ZBTB16: variants seen among roughly 807,000 people sequenced by gnomAD.
The protein encoded by ZBTB16 is zinc finger and BTB domain-containing protein 16.
In ZBTB16, 8 loss-of-function variants were observed where a neutral mutation model predicts 56.8. That is an observed-to-expected ratio of 0.14 (90% confidence interval 0.08 to 0.25). The LOEUF (loss-of-function observed/expected upper bound fraction) is 0.25. Ranked by LOEUF, ZBTB16 falls within the 10% of genes least tolerant of loss-of-function variation. The pLI is 1.00. For missense variants in ZBTB16, 625 were observed against 903.0 expected (o/e 0.69, Z 3.95); for synonymous variants, 363 against 368.5 (o/e 0.98, Z 0.17).
intron 4 of ZBTB16, among the ~76,000 whole-genome samples, chr11:114,237,535 G>A (rs945379821): frequency 9.9e-5 from 15 of 152,192 alleles, no homozygotes; most frequent in African/African-American, 3.6e-4. Flanking sequence ...CAGTGCTGCC[G>A]GGCCCCCCTG....
intron 4 of ZBTB16, among the ~76,000 whole-genome samples, chr11:114,230,019 C>G (rs777401000): frequency 6.6e-6 from 1 of 151,954 alleles, no homozygotes; most frequent in Non-Finnish European, 1.5e-5. Context: ...CGGAGAAGGC[C>G]GTGGGGCAGG....
chr11:114,239,006 C>T (rs933344013), intron 4 of ZBTB16, among the ~76,000 whole-genome samples: 1 of 152,194 alleles, frequency 6.6e-6, no homozygotes, highest in African/African-American at 2.4e-5. Flanking sequence ...TTAGCCTGCC[C>T]CTGGTCACCT....
At chr11:114,194,959 C>T (rs1270160822) in intron 4 of ZBTB16, among the ~76,000 whole-genome samples, 1 of 152,216 alleles carries the variant, frequency 6.6e-6, no homozygotes, top group Admixed American at 6.5e-5. Flanking sequence ...TAAATTGCTG[C>T]ATCACTGAGC....
intron 2 of ZBTB16, among the ~76,000 whole-genome samples, chr11:114,138,034 C>G (rs1156426763): frequency 1.3e-5 from 2 of 152,148 alleles, no homozygotes; most frequent in African/African-American, 4.8e-5. Flanking sequence ...CAGAGCCTGT[C>G]ATGGAGTGGG....
intron 2 of ZBTB16, among the ~76,000 whole-genome samples, chr11:114,092,979 T>C (rs1045154631): frequency 1.3e-5 from 2 of 152,106 alleles, no homozygotes; most frequent in African/African-American, 4.8e-5. Flanking sequence ...GGTTGTAGAA[T>C]ATGTGAAAAC....
intron 2 of ZBTB16, among the ~76,000 whole-genome samples, chr11:114,067,026 T>C (rs2137662271): frequency 6.6e-6 from 1 of 152,242 alleles, no homozygotes; most frequent in Middle Eastern, 3.4e-3. Flanking sequence ...CACCTCGGCC[T>C]CCCAAAGTGC....
At chr11:114,242,472 G>A in intron 5 of ZBTB16, 135 bp downstream of exon 5, 1 of 1,281,888 alleles carries the variant, frequency 7.8e-7, no homozygotes, top group Non-Finnish European at 1.1e-6. Context: ...ACGTGCAGAG[G>A]CTGCCCGTCG....
At chr11:114,132,352 A>G (rs1406983549) in intron 2 of ZBTB16, among the ~76,000 whole-genome samples, 1 of 152,208 alleles carries the variant, frequency 6.6e-6, no homozygotes, top group African/African-American at 2.4e-5. Context: ...TGCAAGACTG[A>G]TTGATTTTCT....
At chr11:114,219,241 T>C (rs1390975869) in intron 4 of ZBTB16, among the ~76,000 whole-genome samples, 2 of 152,156 alleles carry the variant, frequency 1.3e-5, no homozygotes, top group Non-Finnish European at 2.9e-5. Flanking sequence ...AGTTCCCTTT[T>C]TTCATCACCC....
chr11:114,186,907 C>G, intron 3 of ZBTB16, 45 bp from the exon 4 acceptor site: 1 of 1,589,766 alleles, frequency 6.3e-7, no homozygotes, highest in Non-Finnish European at 8.6e-7. Context: ...CCCCGCTCAC[C>G]AGTGGACTAT....
At position 114,119,378 on chromosome 11, in the gene ZBTB16, G is replaced by T. The variant is rs565413809; in HGVS notation, c.1269-36959G>T. Among the ~76,000 whole-genome samples, 3 of 151,050 alleles carry T rather than the reference G, an allele frequency of 2.0e-5. No individual in the cohort carries two copies. In the East Asian group the frequency reaches 5.9e-4, roughly 30 times the overall value. ...TGTGTGTGTGTGTTTGTGTCTGTGT[G>T]TGTGTGCACATGTGTGTACAGGTTC... is the stretch of plus-strand genomic sequence containing the variant. On this transcript the variant is annotated intron_variant, in intron 2 of 6. Coordinates refer to ENST00000335953, the MANE Select transcript of ZBTB16 (RefSeq NM_006006.6).
chr11:114,160,299 C>T (rs1345003990), intron 3 of ZBTB16, among the ~76,000 whole-genome samples: 2 of 151,980 alleles, frequency 1.3e-5, no homozygotes, highest in Admixed American at 1.3e-4. Flanking sequence ...AAGGAGGAGG[C>T]AAGAAAAGAG....
intron 2 of ZBTB16, among the ~76,000 whole-genome samples, chr11:114,090,219 G>A (rs1351293562): frequency 6.6e-6 from 1 of 152,236 alleles, no homozygotes; most frequent in Non-Finnish European, 1.5e-5. Context: ...TGGATGGTTA[G>A]GGGAGGGGTC....
At chr11:114,095,254 T>TTTTTTTC (rs1940348650) in intron 2 of ZBTB16, among the ~76,000 whole-genome samples, 1 of 128,520 alleles carries the variant, frequency 7.8e-6, no homozygotes, top group African/African-American at 3.2e-5. Flanking sequence ...TCTTTTTTTT[T>TTTTTTTC]TTTTTTTTTT....
intron 2 of ZBTB16, among the ~76,000 whole-genome samples, chr11:114,137,090 C>G (rs1380085092): frequency 6.6e-6 from 1 of 152,164 alleles, no homozygotes; most frequent in African/African-American, 2.4e-5. Context: ...GCTCTCTGAG[C>G]CCTCTGATTC....
chr11:114,245,280 G>A (rs1325750742), intron 5 of ZBTB16, among the ~76,000 whole-genome samples: 1 of 152,224 alleles, frequency 6.6e-6, no homozygotes, highest in Non-Finnish European at 1.5e-5. Context: ...ATCTGCAGGT[G>A]AGGGACTCGC....
chr11:114,163,661 T>G (rs1942660603), intron 3 of ZBTB16, among the ~76,000 whole-genome samples: 1 of 152,082 alleles, frequency 6.6e-6, no homozygotes, highest in Non-Finnish European at 1.5e-5. Flanking sequence ...CTCCCACCCC[T>G]TCACCTACAG....
At chr11:114,098,838 G>A (rs918523089) in intron 2 of ZBTB16, among the ~76,000 whole-genome samples, 3 of 151,712 alleles carry the variant, frequency 2.0e-5, no homozygotes, top group African/African-American at 7.3e-5. Flanking sequence ...TTGGTGAGGG[G>A]AAAAGGAAAT....
At chr11:114,192,032 C>G (rs1199134689) in intron 4 of ZBTB16, among the ~76,000 whole-genome samples, 1 of 152,180 alleles carries the variant, frequency 6.6e-6, no homozygotes, top group Non-Finnish European at 1.5e-5. Context: ...TCTGACAGTT[C>G]TTTGGATAAC....
Sources: allele counts gnomAD v4.1 joint callset (sites outside exome capture counted in the v4.1 genomes callset), GRCh38; gene constraint gnomAD v4.1.1; transcripts MANE v1.5; gene names NCBI Gene and HGNC (gene_info 2026-07-23, HGNC 2026-07-21).